The following TUSC3 variants were observed in gnomAD, a reference collection of about 807,000 sequenced individuals.
TUSC3 encodes dolichyl-diphosphooligosaccharide--protein glycosyltransferase subunit TUSC3.
TUSC3 carries 45 observed loss-of-function variants against 44.8 expected under a neutral mutation model. The observed-to-expected ratio is 1.00, with a 90% confidence interval of 0.79 to 1.29. The LOEUF (loss-of-function observed/expected upper bound fraction) is 1.29, where lower values mean the gene tolerates loss of function less well. Among genes scored for constraint, TUSC3 ranks in the 50% most tolerant of loss-of-function variants. TUSC3 has a pLI of 0.00. For missense variants in TUSC3, 519 were observed against 437.9 expected, an observed-to-expected ratio of 1.19 and a Z score of -1.65; for synonymous variants, 212 against 152.9, an observed-to-expected ratio of 1.39 and a Z score of -2.85.
chr8:15,471,165 A>G (rs1800488533), intron 1 of TUSC3, among the ~76,000 whole-genome samples: 1 of 152,182 alleles, frequency 6.6e-6, no homozygotes, highest in Non-Finnish European at 1.5e-5. Flanking sequence ...ACCTCTGCTC[A>G]TTGATTCACC....
intron 6 of TUSC3, among the ~76,000 whole-genome samples, chr8:15,683,608 G>A (rs559860800): frequency 4.6e-5 from 7 of 152,026 alleles, no homozygotes; most frequent in East Asian, 1.9e-4. Flanking sequence ...CTTCTTTGCC[G>A]TCCAGGTTCT....
rs910900961 is a variant in TUSC3 at position 15,765,720 on chromosome 8, A to G, written c.*1564A>G. ...CTAGTTCATGTACTTAGATGAATAA[A>G]TTTAGTTTTGGAATGACGTTTATGG... On this transcript the variant is annotated 3_prime_UTR_variant, in exon 11 of 11. Coordinates refer to ENST00000503731, the MANE Select transcript of TUSC3 (RefSeq NM_006765.4). 4 of 152,136 alleles carry G rather than the reference A, an allele frequency of 2.6e-5. No homozygotes were observed. In the East Asian group the frequency reaches 7.7e-4, roughly 29 times the overall value. The allele number at this position is 152,136 out of a possible 1,614,324, so 9.4% of individuals were successfully genotyped here. A position where few individuals can be genotyped will look rare whatever the true frequency, so the allele number is the denominator to read the frequency against.
At chr8:15,534,759 G>A (rs1801500319) in intron 2 of TUSC3, among the ~76,000 whole-genome samples, 1 of 152,084 alleles carries the variant, frequency 6.6e-6, no homozygotes, top group Non-Finnish European at 1.5e-5. Flanking sequence ...AGAGACCTCA[G>A]GGGTGCCTCA....
chr8:15,440,690 G>A (rs73191105), intron 1 of TUSC3, among the ~76,000 whole-genome samples: 24,717 of 152,090 alleles, frequency 0.16, 2,094 homozygotes, highest in Middle Eastern at 0.22. Context: ...TTCCATGTGC[G>A]AGCTGGTTTG....
At chr8:15,646,071 A>G (rs563144860) in intron 2 of TUSC3, among the ~76,000 whole-genome samples, 2 of 152,290 alleles carry the variant, frequency 1.3e-5, no homozygotes, top group East Asian at 3.9e-4. Flanking sequence ...AAGAACAGCT[A>G]TGCATAAAAT....
chr8:15,419,123 G>T (rs1357259302), intron 1 of TUSC3, among the ~76,000 whole-genome samples: 1 of 152,168 alleles, frequency 6.6e-6, no homozygotes, highest in Non-Finnish European at 1.5e-5. Flanking sequence ...TGACCTTGCT[G>T]TGTAAAGAAG....
rs144558121 is a variant in TUSC3, at chr8:15,629,794, T to G, written c.308+6545T>G. ...TTAACTTGCATTTAGATTCTTCAGT[T>G]GATTTTCCTTGCTTAAAGGCTGGTG... On this transcript the variant is annotated intron_variant, in intron 2 of 10. Transcript: ENST00000503731. 9.6e-4 allele frequency among the ~76,000 whole-genome samples: 146 copies of G among 152,074 alleles called. No homozygotes were observed. The East Asian group carries it at 0.025, about 26-fold the overall frequency.
the TUSC3 span, among the ~76,000 whole-genome samples, chr8:15,772,522 T>TA: frequency 6.6e-6 from 1 of 152,126 alleles, no homozygotes; most frequent in East Asian, 1.9e-4. Flanking sequence ...AACTGGTTAT[T>TA]AAAAACCTCC....
chr8:15,733,609 T>A (rs978755499), intron 7 of TUSC3: 1 of 174,280 alleles, frequency 5.7e-6, no homozygotes, highest in Non-Finnish European at 1.2e-5. Flanking sequence ...ATCTTAGCAG[T>A]GATACATAAA....
chr8:15,652,476 T>A (rs552733936), intron 3 of TUSC3, among the ~76,000 whole-genome samples: 1 of 152,352 alleles, frequency 6.6e-6, no homozygotes, highest in Non-Finnish European at 1.5e-5. Context: ...CAAATAGTTT[T>A]GCTCCTATGG....
intron 7 of TUSC3, among the ~76,000 whole-genome samples, chr8:15,743,039 G>A (rs774039188): frequency 1.3e-5 from 2 of 152,172 alleles, no homozygotes; most frequent in African/African-American, 4.8e-5. Context: ...GTCTGCTTTT[G>A]TAAGATTGTT....
chr8:15,567,064 C>G (rs76386663), intron 1 of TUSC3, among the ~76,000 whole-genome samples: 2,256 of 152,216 alleles, frequency 0.015, 46 homozygotes, highest in African/African-American at 0.05. Context: ...AGTCATGGCT[C>G]TTTTAACTTA....
intron 1 of TUSC3, among the ~76,000 whole-genome samples, chr8:15,573,229 T>C (rs1405942706): frequency 8.1e-6 from 1 of 124,104 alleles, no homozygotes; most frequent in Non-Finnish European, 1.7e-5. Flanking sequence ...TATATATATA[T>C]AAAAGTTTTT....
chr8:15,768,314 G>A (rs1005925522), downstream of TUSC3, among the ~76,000 whole-genome samples: 23 of 152,232 alleles, frequency 1.5e-4, no homozygotes, highest in Middle Eastern at 3.4e-3. Context: ...ACAACAAGCC[G>A]TGATAACAAA....
At chr8:15,570,699 G>A (rs1229250017) in intron 1 of TUSC3, among the ~76,000 whole-genome samples, 1 of 151,964 alleles carries the variant, frequency 6.6e-6, no homozygotes, top group African/African-American at 2.4e-5. Context: ...TGAACTTCAA[G>A]AGTTGAAGTA....
chr8:15,735,955 C>T (rs1810920289), intron 7 of TUSC3, among the ~76,000 whole-genome samples: 1 of 151,344 alleles, frequency 6.6e-6, no homozygotes, highest in Admixed American at 6.6e-5. Context: ...GTCTCGATCT[C>T]CTGACCTCGT....
intron 1 of TUSC3, among the ~76,000 whole-genome samples, chr8:15,546,643 C>G (rs755080921): frequency 6.6e-6 from 1 of 151,668 alleles, no homozygotes; most frequent in Non-Finnish European, 1.5e-5. Flanking sequence ...TCAAGCAATC[C>G]CCCTGCCTCA....
At chr8:15,501,333 A>C (rs1216543474) in intron 2 of TUSC3, among the ~76,000 whole-genome samples, 1 of 152,086 alleles carries the variant, frequency 6.6e-6, no homozygotes, top group Non-Finnish European at 1.5e-5. Flanking sequence ...TTGGAACCCA[A>C]AGTTTGGATC....
At chr8:15,837,740 A>G in the TUSC3 span, among the ~76,000 whole-genome samples, 2 of 152,104 alleles carry the variant, frequency 1.3e-5, no homozygotes, top group African/African-American at 2.4e-5. Context: ...AATTCATGGA[A>G]GGCATTTTAT....
Sources: gnomAD v4.1 joint callset for allele counts (sites outside exome capture counted in the v4.1 genomes callset) on GRCh38, gnomAD v4.1.1 for gene constraint, MANE v1.5 for transcripts, NCBI Gene and HGNC (gene_info 2026-07-23, HGNC 2026-07-21) for gene names.